The following PMFBP1 variants were observed in gnomAD, a reference collection of about 807,000 sequenced individuals.
PMFBP1 encodes polyamine modulated factor 1 binding protein 1.
Under a neutral mutation model 137.8 loss-of-function variants are expected in PMFBP1, and 131 were observed. The ratio of observed to expected loss-of-function variants is 0.95; its 90% CI spans 0.82 to 1.10. PMFBP1 has a LOEUF of 1.10. PMFBP1 is among the 50% of genes least tolerant of loss of function. PMFBP1 has a pLI of 0.00. For synonymous variants in PMFBP1, 490 were observed against 450.4 expected (o/e 1.09, Z -1.11); for missense variants, 1,199 against 1,175.4 (o/e 1.02, Z -0.29).
At chr16:72,144,148 A>G (rs2042766963) in intron 5 of PMFBP1, among the ~76,000 whole-genome samples, 1 of 152,226 alleles carries the variant, frequency 6.6e-6, no homozygotes. Flanking sequence ...CGTGAGATCT[A>G]CAGAGAAAAG....
At chr16:72,146,948 C>T (rs1211010971) in intron 5 of PMFBP1, among the ~76,000 whole-genome samples, 1 of 152,156 alleles carries the variant, frequency 6.6e-6, no homozygotes, top group East Asian at 1.9e-4. Flanking sequence ...GCCATACTGC[C>T]CAAAGTACTT....
intron 3 of PMFBP1, among the ~76,000 whole-genome samples, chr16:72,160,686 C>T (rs1197321233): frequency 6.6e-6 from 1 of 151,806 alleles, no homozygotes; most frequent in Non-Finnish European, 1.5e-5. Context: ...GAATTAATTT[C>T]CTGGGGAGGG....
chr16:72,154,564 C>T, intron 3 of PMFBP1, 105 bp from the exon 4 acceptor site: 6 of 1,305,926 alleles, frequency 4.6e-6, no homozygotes, highest in East Asian at 2.3e-5. Context: ...ATCCATCTAT[C>T]CATCTTTTTA....
At chr16:72,151,216 T>C (rs923132066) in intron 4 of PMFBP1, among the ~76,000 whole-genome samples, 1 of 152,200 alleles carries the variant, frequency 6.6e-6, no homozygotes, top group Non-Finnish European at 1.5e-5. Context: ...ACTTAGAAAA[T>C]GCAGACTTCC....
chr16:72,145,356 G>A (rs957330054), intron 5 of PMFBP1, among the ~76,000 whole-genome samples: 8 of 152,072 alleles, frequency 5.3e-5, no homozygotes, highest in Non-Finnish European at 7.4e-5. Flanking sequence ...ACAGCATACT[G>A]GAATCTCTGG....
the PMFBP1 span, among the ~76,000 whole-genome samples, chr16:72,217,081 C>A: frequency 1.3e-5 from 2 of 152,094 alleles, no homozygotes. Flanking sequence ...TTCTCTCTTT[C>A]TTGGACACAC....
At chr16:72,192,730 C>T in the PMFBP1 span, among the ~76,000 whole-genome samples, 4 of 151,752 alleles carry the variant, frequency 2.6e-5, no homozygotes, top group South Asian at 8.3e-4. Context: ...GGTGAAACCC[C>T]GTCTCTACTA....
the PMFBP1 span, among the ~76,000 whole-genome samples, chr16:72,184,272 A>G: frequency 6.6e-6 from 1 of 152,128 alleles, no homozygotes; most frequent in Non-Finnish European, 1.5e-5. Flanking sequence ...TTGTTCCTAC[A>G]ATAACATCTC....
upstream of PMFBP1, among the ~76,000 whole-genome samples, chr16:72,174,949 T>G (rs1380748190): frequency 6.6e-6 from 1 of 152,104 alleles, no homozygotes; most frequent in African/African-American, 2.4e-5. Flanking sequence ...ATCTGGCACT[T>G]CCTCATCCTT....
chr16:72,139,498 G>A (rs1315384699), intron 6 of PMFBP1, 99 bp from the exon 7 acceptor site: 3 of 977,070 alleles, frequency 3.1e-6, no homozygotes, highest in Non-Finnish European at 4.8e-6. Flanking sequence ...GCATAAGTTT[G>A]TTGCAGAATT....
intron 2 of PMFBP1, among the ~76,000 whole-genome samples, chr16:72,169,703 A>G (rs933604951): frequency 2.6e-5 from 4 of 152,148 alleles, no homozygotes; most frequent in African/African-American, 9.7e-5. Context: ...ACACAGATTA[A>G]CAAATTAAAA....
intron 3 of PMFBP1, among the ~76,000 whole-genome samples, chr16:72,160,582 T>C (rs1260335148): frequency 6.6e-6 from 1 of 152,358 alleles, no homozygotes; most frequent in East Asian, 1.9e-4. Context: ...CTAATGATTT[T>C]TTTTTTCATT....
chr16:72,230,797 T>C, the PMFBP1 span, among the ~76,000 whole-genome samples: 1 of 152,200 alleles, frequency 6.6e-6, no homozygotes, highest in Non-Finnish European at 1.5e-5. Context: ...ATTTCTTGCC[T>C]GGATTAACAC....
downstream of PMFBP1, chr16:72,119,033 A>G: frequency 3.0e-6 from 1 of 329,496 alleles, no homozygotes; most frequent in Non-Finnish European, 5.5e-6. Flanking sequence ...AACAGGATGA[A>G]CATGTTGCTG....
At chr16:72,237,081 C>A in the PMFBP1 span, among the ~76,000 whole-genome samples, 4 of 152,170 alleles carry the variant, frequency 2.6e-5, no homozygotes, top group African/African-American at 9.7e-5. Flanking sequence ...TTCCCACATG[C>A]CCAACATGTA....
At chr16:72,141,038 G>A (rs894034014) in intron 5 of PMFBP1, among the ~76,000 whole-genome samples, 2 of 141,748 alleles carry the variant, frequency 1.4e-5, no homozygotes, top group African/African-American at 2.7e-5. Flanking sequence ...AGGTTCAAGC[G>A]ATTCTCCTGC....
At chr16:72,214,449 A>G in the PMFBP1 span, among the ~76,000 whole-genome samples, 1 of 152,228 alleles carries the variant, frequency 6.6e-6, no homozygotes, top group African/African-American at 2.4e-5. Context: ...TGCTGGGATT[A>G]CAGGCGTGAG....
chr16:72,239,721 G>A, the PMFBP1 span, among the ~76,000 whole-genome samples: 6 of 151,550 alleles, frequency 4.0e-5, no homozygotes, highest in South Asian at 2.1e-4. Context: ...GTGAAACCCC[G>A]TCTCTACTAA....
At chr16:72,192,014 C>G in the PMFBP1 span, among the ~76,000 whole-genome samples, 12 of 152,206 alleles carry the variant, frequency 7.9e-5, no homozygotes, top group Non-Finnish European at 1.8e-4. Flanking sequence ...TGTGTGTGAT[C>G]CCCTGCGAGC....
Sources: gnomAD v4.1 joint callset for allele counts (sites outside exome capture counted in the v4.1 genomes callset) on GRCh38, gnomAD v4.1.1 for gene constraint, MANE v1.5 for transcripts, NCBI Gene and HGNC (gene_info 2026-07-23, HGNC 2026-07-21) for gene names.